Variants in PPP1R9A observed in about 807,000 individuals in gnomAD.
PPP1R9A encodes protein phosphatase 1 regulatory subunit 9A, also known as neurabin-1.
PPP1R9A carries 59 observed loss-of-function variants against 141.9 expected under a neutral mutation model. The observed-to-expected ratio is 0.42, with a 90% CI of 0.34 to 0.52. The LOEUF (loss-of-function observed/expected upper bound fraction) is 0.52. Among genes scored for constraint, PPP1R9A ranks in the 20% least tolerant of loss-of-function variants. PPP1R9A has a pLI of 0.10. For synonymous variants in PPP1R9A, 500 were observed against 569.7 expected, an observed-to-expected ratio of 0.88 and a Z score of 1.74; for missense variants, 1,444 against 1,611.9, an observed-to-expected ratio of 0.90 and a Z score of 1.78.
intron 2 of PPP1R9A, among the ~76,000 whole-genome samples, chr7:95,001,830 A>G (rs1802969078): frequency 6.6e-6 from 1 of 152,220 alleles, no homozygotes; most frequent in South Asian, 2.1e-4. Context: ...TTCCAGAGGC[A>G]TATTTGAAAA....
chr7:94,925,783 C>A (rs1793402526), intron 2 of PPP1R9A, among the ~76,000 whole-genome samples: 1 of 151,880 alleles, frequency 6.6e-6, no homozygotes, highest in Non-Finnish European at 1.5e-5. Context: ...CTCTTCTCCC[C>A]CTCCCCCCAC....
chr7:94,977,313 G>A (rs1584475656), intron 2 of PPP1R9A, among the ~76,000 whole-genome samples: 1 of 152,122 alleles, frequency 6.6e-6, no homozygotes, highest in East Asian at 1.9e-4. Context: ...TTGAGGGGCT[G>A]GGAAGACAAG....
At chr7:95,011,956 T>G (rs1228403538) in intron 2 of PPP1R9A, among the ~76,000 whole-genome samples, 1 of 152,216 alleles carries the variant, frequency 6.6e-6, no homozygotes, top group East Asian at 1.9e-4. Context: ...AATATTCACT[T>G]AATTTCGAGG....
intron 8 of PPP1R9A, among the ~76,000 whole-genome samples, chr7:95,245,121 A>G (rs1482086178): frequency 2.0e-5 from 3 of 152,220 alleles, no homozygotes; most frequent in African/African-American, 7.2e-5. Context: ...TGGATGCCTT[A>G]GCACATAGCC....
At chr7:94,977,764 CTTTTTTTT>C (rs370362125) in intron 2 of PPP1R9A, among the ~76,000 whole-genome samples, 49 of 131,352 alleles carry the variant, frequency 3.7e-4, no homozygotes, top group African/African-American at 1.1e-3. Flanking sequence ...TTTTCATTTT[CTTTTTTTT>C]TTTTTTTTGA....
chr7:95,067,488 A>G (rs1370314985), intron 2 of PPP1R9A, among the ~76,000 whole-genome samples: 2 of 152,322 alleles, frequency 1.3e-5, no homozygotes, highest in East Asian at 3.9e-4. Context: ...ATGTACACCA[A>G]AAAGTTATTC....
intron 7 of PPP1R9A, among the ~76,000 whole-genome samples, chr7:95,210,892 C>A (rs556590832): frequency 1.3e-5 from 2 of 152,102 alleles, no homozygotes; most frequent in East Asian, 3.9e-4. Flanking sequence ...CAAATTAACA[C>A]AGGAACAGAA....
At chr7:95,121,300 A>G (rs1436611557) in intron 4 of PPP1R9A, among the ~76,000 whole-genome samples, 2 of 152,210 alleles carry the variant, frequency 1.3e-5, no homozygotes, top group Admixed American at 1.3e-4. Flanking sequence ...GTAAAAACAC[A>G]GGTTCTTGGG....
intron 2 of PPP1R9A, among the ~76,000 whole-genome samples, chr7:94,984,986 T>C (rs184449663): frequency 6.6e-6 from 1 of 152,244 alleles, no homozygotes; most frequent in African/African-American, 2.4e-5. Flanking sequence ...GTAAATTTCC[T>C]TCTACGCACT....
intron 5 of PPP1R9A, among the ~76,000 whole-genome samples, chr7:95,196,850 A>G (rs73220061): frequency 0.12 from 18,679 of 152,152 alleles, 1,253 homozygotes; most frequent in East Asian, 0.17. Flanking sequence ...GCGTTTACAT[A>G]TGTATCACAG....
At chr7:94,980,057 C>T (rs1799901416) in intron 2 of PPP1R9A, among the ~76,000 whole-genome samples, 1 of 151,854 alleles carries the variant, frequency 6.6e-6, no homozygotes. Flanking sequence ...GATGCTTGTT[C>T]TTAAAATTTG....
chr7:95,015,914 A>C (rs1442359074), intron 2 of PPP1R9A, among the ~76,000 whole-genome samples: 1 of 151,964 alleles, frequency 6.6e-6, no homozygotes, highest in Non-Finnish European at 1.5e-5. Context: ...TAGGGCAGGC[A>C]TGGTGGTGTG....
At chr7:94,960,802 T>G (rs997720433) in intron 2 of PPP1R9A, among the ~76,000 whole-genome samples, 2 of 151,856 alleles carry the variant, frequency 1.3e-5, no homozygotes, top group Non-Finnish European at 3.0e-5. Context: ...CCAGATCTCC[T>G]TCGTCAGAAG....
At chr7:95,287,919 C>T (rs949210906) in intron 18 of PPP1R9A, among the ~76,000 whole-genome samples, 7 of 152,134 alleles carry the variant, frequency 4.6e-5, no homozygotes, top group African/African-American at 1.7e-4. Flanking sequence ...AACTCCTGGC[C>T]TCAAGTGATC....
rs118056659 is a variant in PPP1R9A at position 95,019,501 on chromosome 7, A to G, written c.1396-91758A>G. Reference sequence around the variant, plus strand: ...ATTGAAGAAAACATTTCCAAAACATATATCAGACAAAGGACTTGTGTCCAG... The same window carrying G: ...ATTGAAGAAAACATTTCCAAAACATGTATCAGACAAAGGACTTGTGTCCAG... On this transcript the variant is annotated intron_variant, in intron 2 of 19. Transcript: ENST00000433360. 3.9e-3 allele frequency among the ~76,000 whole-genome samples: 595 copies of G among 152,364 alleles called. 23 individuals are homozygous for G. The highest frequency in any genetic ancestry group is 0.036 in the East Asian group (187 of 5,190).
At position 95,260,663 on chromosome 7, in the gene PPP1R9A, C is replaced by A. The variant is rs116332781; in HGVS notation, c.2666-7887C>A. 5.2e-3 allele frequency among the ~76,000 whole-genome samples: 668 copies of A among 129,330 alleles called. 5 individuals carry two copies. The highest frequency in any genetic ancestry group is 0.02 in the African/African-American group (644 of 33,012). 84.8% of individuals were successfully genotyped at this position (129,330 alleles called of 152,430 possible). On this transcript the variant is annotated intron_variant, in intron 12 of 19. Coordinates refer to ENST00000433360, the MANE Select transcript of PPP1R9A (RefSeq NM_001166160.2). ...CCCTACACTCCAGCCTGGGACAGAG[C>A]AAGACTCTGACTCAAAAAAAAAAAA...
Position 95,284,313 on chromosome 7 carries a change from T to C in PPP1R9A, c.3592T>C (p.Trp1198Arg). The C allele has an allele frequency of 6.6e-7, 1 of 1,510,282 alleles. No homozygotes were observed. The highest frequency in any genetic ancestry group is 9.0e-7 in the Non-Finnish European group (1 of 1,115,268). 93.6% of individuals were successfully genotyped at this position (1,510,282 alleles called of 1,614,324 possible). ...GRHSQLMSVVWIQETNNFTFN... is the reference protein window; with the variant it reads ...GRHSQLMSVVRIQETNNFTFN... ...GCATTCTCAACTTATGTCTGTAGTC[T>C]GGATCCAAGAAACCAATGTAATAAC... Residue 1198 changes from tryptophan to arginine, a missense_variant, in exon 17 of 20, where the codon TGG becomes CGG. Physicochemically the swap from Trp to Arg is moderately radical, Grantham distance 101. Around this residue, in one of 5 missense-constraint regions of PPP1R9A, gnomAD observed 459 missense variants for 513.8 expected, o/e 0.89. Coordinates refer to ENST00000433360, the MANE Select transcript of PPP1R9A (RefSeq NM_001166160.2).
intron 2 of PPP1R9A, among the ~76,000 whole-genome samples, chr7:95,092,918 C>T (rs1419285058): frequency 6.6e-6 from 1 of 152,184 alleles, no homozygotes; most frequent in African/African-American, 2.4e-5. Context: ...CTGTATTAAA[C>T]TGTGTTGCTA....
chr7:95,010,365 C>T (rs1339764072), intron 2 of PPP1R9A, among the ~76,000 whole-genome samples: 1 of 152,078 alleles, frequency 6.6e-6, no homozygotes, highest in East Asian at 1.9e-4. Flanking sequence ...GATTGTGCCA[C>T]TGCACTCCAG....
Sources: gnomAD v4.1 joint callset for allele counts (sites outside exome capture counted in the v4.1 genomes callset) on GRCh38, gnomAD v4.1.1 for gene constraint, gnomAD v4.1.1 regional missense constraint, MANE v1.5 for transcripts, NCBI Gene and HGNC (gene_info 2026-07-23, HGNC 2026-07-21) for gene names.